RPAP2: variants seen among roughly 807,000 people sequenced by gnomAD.
RPAP2 encodes the protein RNA polymerase II associated protein 2, also known as putative RNA polymerase II subunit B1 CTD phosphatase RPAP2.
In RPAP2, 52 loss-of-function variants were observed where a neutral mutation model predicts 73.1. The observed-to-expected ratio is 0.71, with a 90% CI of 0.57 to 0.90. The LOEUF is 0.90. Ranked by LOEUF, RPAP2 falls within the 40% of genes least tolerant of loss-of-function variation. RPAP2 has a pLI of 0.00. For synonymous variants in RPAP2, 225 were observed against 242.1 expected (o/e 0.93, Z 0.65); for missense variants, 598 against 701.8 (o/e 0.85, Z 1.67).
Position 92,397,927 on chromosome 1 carries a change from TGGGAGGATGAC to T in RPAP2, c.*10917_*10927del, listed in dbSNP as rs1306146264. The T allele has an allele frequency of 6.6e-6, 1 of 152,216 alleles. No individual in the cohort carries two copies. The highest frequency in any genetic ancestry group is 6.6e-5 in the Admixed American group (1 of 15,226). 9.4% of individuals were successfully genotyped at this position (152,216 alleles called of 1,614,324 possible). On this transcript the variant is annotated 3_prime_UTR_variant, in exon 13 of 13. Coordinates refer to ENST00000610020, the MANE Select transcript of RPAP2 (RefSeq NM_024813.3). ...ATCCCAGCACTTTGGGAGACTGAGGTGGGAGGATGACTTGAGCCCAGGAGTTTGAGACCAGC... is the reference window on the plus strand; with the variant it reads ...ATCCCAGCACTTTGGGAGACTGAGGTTTGAGCCCAGGAGTTTGAGACCAGC...
At chr1:92,307,357 A>T in intron 6 of RPAP2, 81 bp downstream of exon 6, 1 of 917,186 alleles carries the variant, frequency 1.1e-6, no homozygotes, top group Non-Finnish European at 1.6e-6. Context: ...GCTGAGAGTA[A>T]GTCTAGTTTT....
At chr1:92,351,321 A>G (rs1029692070) in intron 11 of RPAP2, among the ~76,000 whole-genome samples, 5 of 149,248 alleles carry the variant, frequency 3.4e-5, no homozygotes, top group Non-Finnish European at 7.4e-5. Context: ...AAAAAAAAAA[A>G]AAAAAAAGAA....
intron 11 of RPAP2, among the ~76,000 whole-genome samples, chr1:92,355,771 T>C (rs1571117211): frequency 1.3e-5 from 2 of 152,200 alleles, no homozygotes; most frequent in African/African-American, 2.4e-5. Context: ...GAAATACTCA[T>C]TGGAGTGTTT....
At chr1:92,380,949 G>A (rs1477831590) in intron 12 of RPAP2, 76 bp downstream of exon 12, 2 of 1,320,536 alleles carry the variant, frequency 1.5e-6, no homozygotes, top group South Asian at 1.6e-5. Context: ...TTTTTAATTG[G>A]AAATTGTAAA....
At chr1:92,322,510 CT>C (rs1652338315) in intron 7 of RPAP2, among the ~76,000 whole-genome samples, 1 of 151,554 alleles carries the variant, frequency 6.6e-6, no homozygotes, top group South Asian at 2.1e-4. Flanking sequence ...TGCCACTGCG[CT>C]CCAGCCTGGG....
chr1:92,380,069 G>C (rs1379353939), intron 11 of RPAP2, among the ~76,000 whole-genome samples: 1 of 150,908 alleles, frequency 6.6e-6, no homozygotes, highest in Non-Finnish European at 1.5e-5. Flanking sequence ...CCTGAGGCCA[G>C]GAGTTCGAGA....
At chr1:92,359,397 G>C (rs942359997) in intron 11 of RPAP2, among the ~76,000 whole-genome samples, 3 of 152,170 alleles carry the variant, frequency 2.0e-5, no homozygotes, top group Non-Finnish European at 4.4e-5. Flanking sequence ...TCGGCTCACC[G>C]CAACCCCCGC....
chr1:92,305,432 CAA>C (rs71091273), intron 5 of RPAP2, among the ~76,000 whole-genome samples: 36 of 52,694 alleles, frequency 6.8e-4, no homozygotes, highest in African/African-American at 3.5e-3. Flanking sequence ...GGCTCCGTCT[CAA>C]AAAAAAAAAA....
intron 7 of RPAP2, among the ~76,000 whole-genome samples, chr1:92,322,792 G>T (rs1489318737): frequency 6.6e-6 from 1 of 151,198 alleles, no homozygotes; most frequent in Non-Finnish European, 1.5e-5. Flanking sequence ...TGGGAGAATC[G>T]CTTGAACCTA....
At position 92,401,819 on chromosome 1, in the gene RPAP2, T is replaced by C. The variant is rs951247982; in HGVS notation, c.*14808T>C. On this transcript the variant is annotated 3_prime_UTR_variant, in exon 13 of 13. Transcript: ENST00000610020. ...TCCAAGTTTTTTTCCTCCTTATTTCTGCTAAGGTTGTATAATTATGCTCAT... is the reference window on the plus strand; with the variant it reads ...TCCAAGTTTTTTTCCTCCTTATTTCCGCTAAGGTTGTATAATTATGCTCAT... 4.6e-5 allele frequency: 7 copies of C among 152,370 alleles called. No homozygotes were observed. The South Asian group carries it at 6.2e-4, about 14-fold the overall frequency. 9.4% of individuals were successfully genotyped at this position (152,370 alleles called of 1,614,324 possible). A position where few individuals can be genotyped will look rare whatever the true frequency, so the allele number is the denominator to read the frequency against.
intron 11 of RPAP2, among the ~76,000 whole-genome samples, chr1:92,375,789 C>CCACT (rs1655360666): frequency 6.6e-6 from 1 of 152,012 alleles, no homozygotes; most frequent in African/African-American, 2.4e-5. Flanking sequence ...CAAGATAGAG[C>CCACT]CACTGCACCC....
intron 8 of RPAP2, among the ~76,000 whole-genome samples, chr1:92,330,282 G>T (rs185743395): frequency 6.6e-6 from 1 of 152,018 alleles, no homozygotes; most frequent in Non-Finnish European, 1.5e-5. Context: ...TTGTAATATC[G>T]TTATCAGGTT....
intron 11 of RPAP2, among the ~76,000 whole-genome samples, chr1:92,371,748 C>A (rs1655163174): frequency 1.3e-5 from 2 of 151,438 alleles, no homozygotes; most frequent in South Asian, 4.2e-4. Context: ...AAACCTGGGC[C>A]AGGTGCAGTG....
intron 11 of RPAP2, among the ~76,000 whole-genome samples, chr1:92,358,044 G>T (rs1571120940): frequency 6.6e-6 from 1 of 152,144 alleles, no homozygotes; most frequent in Admixed American, 6.5e-5. Flanking sequence ...CTCCCTTGAT[G>T]TAAGTTTTGA....
intron 11 of RPAP2, among the ~76,000 whole-genome samples, chr1:92,370,009 C>T (rs1447056510): frequency 1.3e-5 from 2 of 152,158 alleles, no homozygotes; most frequent in Non-Finnish European, 2.9e-5. Context: ...CTCATCCTCC[C>T]AAGTAGCTGG....
intron 9 of RPAP2, among the ~76,000 whole-genome samples, chr1:92,335,874 T>TG: frequency 6.6e-6 from 1 of 152,250 alleles, no homozygotes; most frequent in East Asian, 1.9e-4. Flanking sequence ...TTAGATTAAA[T>TG]TTTTTTCATA....
At position 92,299,101 on chromosome 1, in the gene RPAP2, G is replaced by A; in HGVS notation, c.28G>A (p.Ala10Thr). 6.6e-7 allele frequency: 1 copy of A among 1,520,962 alleles called. No individual in the cohort carries two copies. The highest frequency in any genetic ancestry group is 8.8e-7 in the Non-Finnish European group (1 of 1,131,406). 94.2% of individuals were successfully genotyped at this position (1,520,962 alleles called of 1,614,324 possible). The change falls in exon 1 of 13, where the codon GCC (alanine) becomes ACC (threonine). Residue 10 changes from alanine (A) to threonine (T), a missense_variant. Ala to Thr is a moderately conservative substitution (Grantham distance 58). Coordinates refer to ENST00000610020, the MANE Select transcript of RPAP2 (RefSeq NM_024813.3). Reference sequence around the variant, plus strand: ...GGCGGACTTCGCTGGGCCGTCTTCTGCCGGCCGCAAGGCCGGGGCTCCCCG... The same window carrying A: ...GGCGGACTTCGCTGGGCCGTCTTCTACCGGCCGCAAGGCCGGGGCTCCCCG... MADFAGPSS[A>T]GRKAGAPRCS...
chr1:92,379,796 G>C (rs1339880355), intron 11 of RPAP2, among the ~76,000 whole-genome samples: 1 of 151,402 alleles, frequency 6.6e-6, no homozygotes, highest in African/African-American at 2.4e-5. Context: ...TTAGCCAGGC[G>C]TGGTGGCACA....
chr1:92,352,267 T>C (rs529811644), intron 11 of RPAP2, among the ~76,000 whole-genome samples: 4 of 152,142 alleles, frequency 2.6e-5, no homozygotes, highest in Non-Finnish European at 5.9e-5. Context: ...AGCATGCAAG[T>C]CCTGGGAAAT....
Sources: allele counts gnomAD v4.1 joint callset (sites outside exome capture counted in the v4.1 genomes callset), GRCh38; gene constraint gnomAD v4.1.1; transcripts MANE v1.5; gene names NCBI Gene and HGNC (gene_info 2026-07-23, HGNC 2026-07-21).